The following FOLH1 variants were observed in gnomAD, a reference collection of about 807,000 sequenced individuals.
FOLH1 encodes the protein glutamate carboxypeptidase 2.
Under a neutral mutation model 93.9 loss-of-function variants are expected in FOLH1, and 54 were observed. The observed-to-expected ratio is 0.57, with a 90% CI of 0.46 to 0.72. The LOEUF (loss-of-function observed/expected upper bound fraction) is 0.72. Among genes scored for constraint, FOLH1 ranks in the 30% least tolerant of loss-of-function variants. The probability of loss-of-function intolerance (pLI) is 0.00; values close to 1 mark genes in which losing one functional copy is unlikely to be tolerated. For synonymous variants in FOLH1, 249 were observed against 303.6 expected, an observed-to-expected ratio of 0.82 and a Z score of 1.87; for missense variants, 571 against 892.5, an observed-to-expected ratio of 0.64 and a Z score of 4.59.
At chr11:49,187,451 C>T (rs952633183) in intron 4 of FOLH1, among the ~76,000 whole-genome samples, 3 of 152,064 alleles carry the variant, frequency 2.0e-5, no homozygotes, top group Admixed American at 2.0e-4. Flanking sequence ...CAATATCTAG[C>T]TTACTATAAA....
chr11:49,186,761 T>C lies in FOLH1; in HGVS notation c.522A>G (p.Leu174=), dbSNP rs754599970. ...FSPQGMPEGD[L]VYVNYARTED... The stretch of plus-strand genomic sequence containing the variant: ...CAGTTCGTGCATAGTTAACATACAC[T>C]AGATCGCCCTGTTGAGATCGGGAAT... The change falls in exon 5 of 19, where the codon CTA becomes CTG. Residue 174 remains leucine (L), a synonymous_variant. Transcript: ENST00000256999. The C allele has an allele frequency of 1.9e-6, 3 of 1,608,984 alleles. No homozygotes were observed. Among genetic ancestry groups the C allele is most frequent in the South Asian group, 2.2e-5 (2 of 89,396 alleles).
In FOLH1 at chr11:49,208,413, G is replaced by T. The variant is rs533521065; in HGVS notation, c.-4C>A. On this transcript the variant is annotated 5_prime_UTR_variant, in exon 1 of 19. Transcript: ENST00000256999. ...TTTCGTGAAGGAGATTCCACATCTC[G>T]GCGCGAGCAGAGCCGGCCTCCCGGG... The T allele has an allele frequency of 8.8e-6, 14 of 1,588,558 alleles. No individual in the cohort carries two copies. The African/African-American group carries it at 1.6e-4, about 18-fold the overall frequency.
Position 49,187,044 on chromosome 11 carries a change from A to C in FOLH1, c.514-275T>G, listed in dbSNP as rs375876158. ...CTGAAGCTACAGAAGCACCCCCCCC[A>C]CACACACACAGAAAAGCATATACGT... On this transcript the variant is annotated intron_variant, in intron 4 of 18. Transcript: ENST00000256999. Among the ~76,000 whole-genome samples, 711 of 130,254 alleles carry C rather than the reference A, an allele frequency of 5.5e-3. 5 individuals are homozygous for C. Among genetic ancestry groups the C allele is most frequent in the Middle Eastern group, 8.5e-3 (2 of 234 alleles). 85.5% of individuals were successfully genotyped at this position (130,254 alleles called of 152,430 possible). A position where few individuals can be genotyped will look rare whatever the true frequency, so the allele number is the denominator to read the frequency against.
chr11:49,199,650 C>T (rs779308556), intron 3 of FOLH1, among the ~76,000 whole-genome samples: 28 of 152,162 alleles, frequency 1.8e-4, no homozygotes, highest in African/African-American at 4.8e-4. Context: ...GTGCCTCACA[C>T]GTGTAATTCT....
chr11:49,198,420 T>TG (rs1179993780), intron 3 of FOLH1, among the ~76,000 whole-genome samples: 1 of 150,858 alleles, frequency 6.6e-6, no homozygotes, highest in Non-Finnish European at 1.5e-5. Flanking sequence ...AGGCGGAGCT[T>TG]GCAGTGAGCG....
intron 11 of FOLH1, among the ~76,000 whole-genome samples, chr11:49,170,396 C>T (rs544247440): frequency 6.6e-6 from 1 of 152,310 alleles, no homozygotes; most frequent in South Asian, 2.1e-4. Context: ...AGGCATATCA[C>T]TTAAGCTCAG....
At chr11:49,203,135 ATATTCAAATACAGACCTATG>A (rs545236878) in intron 2 of FOLH1, among the ~76,000 whole-genome samples, 179 of 152,360 alleles carry the variant, frequency 1.2e-3, no homozygotes, top group East Asian at 5.8e-3. Context: ...TTGGGCCTAT[ATATTCAAATACAGACCTATG>A]TATTCAAATA....
chr11:49,152,368 T>C (rs1856588769), intron 17 of FOLH1, among the ~76,000 whole-genome samples: 1 of 152,136 alleles, frequency 6.6e-6, no homozygotes, highest in Non-Finnish European at 1.5e-5. Flanking sequence ...TGTATCTATC[T>C]TTTTCAAAAA....
chr11:49,181,170 C>T (rs540215317), intron 7 of FOLH1, among the ~76,000 whole-genome samples: 8 of 150,088 alleles, frequency 5.3e-5, no homozygotes, highest in Non-Finnish European at 7.4e-5. Context: ...TGCAGTGGCG[C>T]GATCTCGGCT....
At chr11:49,156,905 A>G in intron 14 of FOLH1, 98 bp from the exon 15 acceptor site, 1 of 1,559,340 alleles carries the variant, frequency 6.4e-7, no homozygotes, top group Non-Finnish European at 8.7e-7. Flanking sequence ...ACTATTATAA[A>G]TGTAATTTTA....
At chr11:49,173,532 T>C (rs1419630603) in intron 9 of FOLH1, 56 bp from the exon 10 acceptor site, 1 of 1,394,262 alleles carries the variant, frequency 7.2e-7, no homozygotes, top group Non-Finnish European at 9.5e-7. Context: ...AAGAGAAAAT[T>C]GCAAATGACT....
At position 49,173,429 on chromosome 11, in the gene FOLH1, C is replaced by G. The variant is rs1345208128; in HGVS notation, c.1153G>C (p.Gly385Arg). The G allele has an allele frequency of 6.2e-7, 1 of 1,611,922 alleles. No individual in the cohort carries two copies. Reference protein sequence around the residue: ...GGHRDSWVFGGIDPQSGAAVV... With the variant: ...GGHRDSWVFGRIDPQSGAAVV... Reference sequence around the variant, plus strand: ...GCTGCTCCACTCTGAGGGTCAATACCACCAAACACCCATGAGTCCCGGTGA... The same window carrying G: ...GCTGCTCCACTCTGAGGGTCAATACGACCAAACACCCATGAGTCCCGGTGA... The change falls in exon 10 of 19, where the codon GGT becomes CGT. Residue 385 changes from glycine to arginine, a missense_variant. Coordinates refer to ENST00000256999, the MANE Select transcript of FOLH1 (RefSeq NM_004476.3).
At chr11:49,206,570 C>T (rs1863987806) in intron 1 of FOLH1, among the ~76,000 whole-genome samples, 1 of 152,106 alleles carries the variant, frequency 6.6e-6, no homozygotes, top group Admixed American at 6.5e-5. Flanking sequence ...CCTCTGCTGA[C>T]TCAAATAAGC....
chr11:49,208,415 C>A lies in FOLH1; in HGVS notation c.-6G>T, dbSNP rs1233078484. The stretch of plus-strand genomic sequence containing the variant: ...TCGTGAAGGAGATTCCACATCTCGG[C>A]GCGAGCAGAGCCGGCCTCCCGGGAC... On this transcript the variant is annotated 5_prime_UTR_variant, in exon 1 of 19. Transcript: ENST00000256999. The A allele has an allele frequency of 6.3e-7, 1 of 1,587,274 alleles. No homozygotes were observed. The highest frequency in any genetic ancestry group is 8.6e-7 in the Non-Finnish European group (1 of 1,163,832).
rs1164991951 is a variant in FOLH1 at position 49,146,360 on chromosome 11, A to AC, written c.*395_*396insG. Reference sequence around the variant, plus strand: ...GCCCAGGCTGGCCAGGTAGGCCGTGAGGCCTCTGGCTTGGGATAATCTTGT... The same window carrying AC: ...GCCCAGGCTGGCCAGGTAGGCCGTGACGGCCTCTGGCTTGGGATAATCTTGT... On this transcript the variant is annotated 3_prime_UTR_variant, in exon 19 of 19. Coordinates refer to ENST00000256999, the MANE Select transcript of FOLH1 (RefSeq NM_004476.3). Among the ~76,000 whole-genome samples the AC allele has an allele frequency of 6.6e-6, 1 of 152,244 alleles. No homozygotes were observed. Among genetic ancestry groups the AC allele is most frequent in the East Asian group, 1.9e-4 (1 of 5,194 alleles).
In FOLH1 at chr11:49,171,424, C is replaced by A; in HGVS notation, c.1226-147G>T. 6 of 1,134,806 alleles carry A rather than the reference C, an allele frequency of 5.3e-6. No individual in the cohort carries two copies. The South Asian group carries it at 1.1e-4, about 21-fold the overall frequency. 70.3% of individuals were successfully genotyped at this position (1,134,806 alleles called of 1,614,324 possible). On this transcript the variant is annotated intron_variant, in intron 10 of 18. Coordinates refer to ENST00000256999, the MANE Select transcript of FOLH1 (RefSeq NM_004476.3). ...TAGTAAAAAATCTTTACTTACGTAACTTTTTTTGTAAGATTTTAAAGTTGT... is the reference window on the plus strand; with the variant it reads ...TAGTAAAAAATCTTTACTTACGTAAATTTTTTTGTAAGATTTTAAAGTTGT...
chr11:49,200,986 T>A (rs866362701), intron 2 of FOLH1, among the ~76,000 whole-genome samples: 21 of 152,182 alleles, frequency 1.4e-4, no homozygotes, highest in African/African-American at 5.1e-4. Flanking sequence ...ACTCCATCTA[T>A]CATACAGAGT....
chr11:49,165,106 G>A (rs1367912547), intron 12 of FOLH1, among the ~76,000 whole-genome samples: 1 of 151,794 alleles, frequency 6.6e-6, no homozygotes, highest in Non-Finnish European at 1.5e-5. Flanking sequence ...CTGGTCTAAT[G>A]TCATGTTTTT....
Position 49,162,131 on chromosome 11 carries a change from A to G in FOLH1, c.1440+2574T>C, listed in dbSNP as rs191182016. Among the ~76,000 whole-genome samples, 185 of 152,240 alleles carry G rather than the reference A, an allele frequency of 1.2e-3. 1 individual carries two copies. Among genetic ancestry groups the G allele is most frequent in the African/African-American group, 4.3e-3 (180 of 41,546 alleles). On this transcript the variant is annotated intron_variant, in intron 13 of 18. Transcript: ENST00000256999. ...GGATGATCTTCTCAAGTAGTATCTT[A>G]CTGAGGTTCTCTGCATTTCCTGAAT...
Sources: allele counts gnomAD v4.1 joint callset (sites outside exome capture counted in the v4.1 genomes callset), GRCh38; gene constraint gnomAD v4.1.1; transcripts MANE v1.5; gene names NCBI Gene and HGNC (gene_info 2026-07-23, HGNC 2026-07-21).